The following CNTNAP2 variants were observed in gnomAD, a reference collection of about 807,000 sequenced individuals.
CNTNAP2 encodes the protein contactin associated protein 2.
A neutral mutation model predicts 155.2 loss-of-function variants in CNTNAP2; 98 were observed. That is an observed-to-expected ratio of 0.63 (90% CI 0.54 to 0.75). The LOEUF is 0.75. CNTNAP2 is among the 30% of genes least tolerant of loss of function. The pLI, the probability that CNTNAP2 is intolerant of heterozygous loss-of-function variation, is 0.00. For missense variants in CNTNAP2, 1,727 were observed against 1,688.1 expected (o/e 1.02, Z -0.40); for synonymous variants, 651 against 631.2 (o/e 1.03, Z -0.47).
rs71188974 is a variant in CNTNAP2 at position 148,351,744 on chromosome 7, C to CAAAAAAAAAAAAAAAAAAAAAAAAAA, written c.3476-31889_3476-31888insAAAAAAAAAAAAAAAAAAAAAAAAAA. On this transcript the variant is annotated intron_variant, in intron 21 of 23. Coordinates refer to ENST00000361727, the MANE Select transcript of CNTNAP2 (RefSeq NM_014141.6). ...GGCAACAGAGTGAGACTCTGTCTCACAAAAAAAAAAAAAAAATAGAAACCG... is the reference window on the plus strand; with the variant it reads ...GGCAACAGAGTGAGACTCTGTCTCACAAAAAAAAAAAAAAAAAAAAAAAAAAAAAAAAAAAAAAAAAATAGAAACCG... Among the ~76,000 whole-genome samples, 30 of 85,384 alleles carry CAAAAAAAAAAAAAAAAAAAAAAAAAA rather than the reference C, an allele frequency of 3.5e-4. 1 individual carries two copies. The highest frequency in any genetic ancestry group is 4.3e-4 in the Non-Finnish European group (21 of 48,396). 56.0% of individuals were successfully genotyped at this position (85,384 alleles called of 152,430 possible).
chr7:146,971,483 G>A (rs1797798078), intron 3 of CNTNAP2, among the ~76,000 whole-genome samples: 1 of 152,136 alleles, frequency 6.6e-6, no homozygotes, highest in Non-Finnish European at 1.5e-5. Flanking sequence ...GTCTATTTGG[G>A]CTCGTATAGC....
chr7:146,953,956 T>G (rs1307992408), intron 3 of CNTNAP2, among the ~76,000 whole-genome samples: 1 of 151,958 alleles, frequency 6.6e-6, no homozygotes, highest in Non-Finnish European at 1.5e-5. Flanking sequence ...CACACCTATA[T>G]CTTGTTTCTA....
At chr7:147,493,207 T>C (rs1327038789) in intron 11 of CNTNAP2, among the ~76,000 whole-genome samples, 1 of 152,198 alleles carries the variant, frequency 6.6e-6, no homozygotes, top group Non-Finnish European at 1.5e-5. Flanking sequence ...TTTCAATAAA[T>C]GCTCTTTGAA....
chr7:148,381,221 A>G (rs140823138), intron 21 of CNTNAP2, among the ~76,000 whole-genome samples: 12 of 152,352 alleles, frequency 7.9e-5, no homozygotes, highest in East Asian at 5.8e-4. Flanking sequence ...CAGCCTAAGT[A>G]TCAACAGCTC....
Position 146,977,052 on chromosome 7 carries a change from T to G in CNTNAP2, c.403-66855T>G, listed in dbSNP as rs112962254. On this transcript the variant is annotated intron_variant, in intron 3 of 23. Transcript: ENST00000361727. ...GGCAGAGAGAGTCTGTTTTCTGAGG[T>G]TTGCTCCTGAGGTCTAAAGAACCCC... Among the ~76,000 whole-genome samples, 303 of 152,058 alleles carry G rather than the reference T, an allele frequency of 2.0e-3. 1 individual carries two copies. Among genetic ancestry groups the G allele is most frequent in the African/African-American group, 6.7e-3 (278 of 41,466 alleles).
At chr7:146,314,251 T>G (rs1279425469) in intron 1 of CNTNAP2, among the ~76,000 whole-genome samples, 1 of 152,188 alleles carries the variant, frequency 6.6e-6, no homozygotes, top group Non-Finnish European at 1.5e-5. Flanking sequence ...CAGTCAGAGA[T>G]TCTAAGTGCC....
At chr7:146,308,334 G>T (rs914379466) in intron 1 of CNTNAP2, among the ~76,000 whole-genome samples, 6 of 152,188 alleles carry the variant, frequency 3.9e-5, no homozygotes, top group African/African-American at 1.2e-4. Context: ...AACAACAGGT[G>T]CTGGAGAGGA....
chr7:148,023,880 C>A lies in CNTNAP2; in HGVS notation c.2383+45891C>A, dbSNP rs559978610. Among the ~76,000 whole-genome samples the A allele has an allele frequency of 4.6e-5, 7 of 152,148 alleles. No individual in the cohort carries two copies. In the South Asian group the frequency reaches 1.0e-3, roughly 23 times the overall value. On this transcript the variant is annotated intron_variant, in intron 15 of 23. Transcript: ENST00000361727. The stretch of plus-strand genomic sequence containing the variant: ...TCTGGGATTTTATGAATTTTCCTCC[C>A]AAATACAAAACTCTCTAGATGCTGA...
At chr7:147,954,787 C>T (rs1800991793) in intron 14 of CNTNAP2, among the ~76,000 whole-genome samples, 1 of 152,120 alleles carries the variant, frequency 6.6e-6, no homozygotes, top group South Asian at 2.1e-4. Flanking sequence ...TATCCGTCCC[C>T]TATATCGAGA....
intron 1 of CNTNAP2, among the ~76,000 whole-genome samples, chr7:146,759,537 CA>C (rs551652082): frequency 1.3e-3 from 191 of 151,200 alleles, no homozygotes; most frequent in African/African-American, 4.4e-3. Flanking sequence ...ACTAAAAATA[CA>C]AAAAAAATTA....
intron 9 of CNTNAP2, among the ~76,000 whole-genome samples, chr7:147,326,835 C>G (rs1437467963): frequency 6.6e-6 from 1 of 152,130 alleles, no homozygotes; most frequent in Non-Finnish European, 1.5e-5. Context: ...TATACTTAGC[C>G]CATTTCACAT....
intron 10 of CNTNAP2, among the ~76,000 whole-genome samples, chr7:147,437,878 T>C (rs1357510570): frequency 6.6e-6 from 1 of 152,160 alleles, no homozygotes; most frequent in Non-Finnish European, 1.5e-5. Flanking sequence ...TCGTGTTTTA[T>C]ACTTTTCATT....
At chr7:148,078,050 C>T (rs577206004) in intron 15 of CNTNAP2, among the ~76,000 whole-genome samples, 2 of 151,698 alleles carry the variant, frequency 1.3e-5, no homozygotes, top group African/African-American at 4.8e-5. Context: ...ATTAATGTAC[C>T]CAAAAACATA....
intron 13 of CNTNAP2, among the ~76,000 whole-genome samples, chr7:147,861,878 T>TA (rs1799139164): frequency 6.6e-6 from 1 of 151,108 alleles, no homozygotes; most frequent in South Asian, 2.1e-4. Context: ...TACCTGGGCA[T>TA]GGTGGTGTAC....
intron 1 of CNTNAP2, among the ~76,000 whole-genome samples, chr7:146,684,639 C>CAAACAAAA (rs1800563060): frequency 1.6e-5 from 1 of 63,514 alleles, no homozygotes; most frequent in African/African-American, 6.0e-5. Flanking sequence ...AGATCCAGCG[C>CAAACAAAA]AAAAAAAAAA....
At chr7:146,968,534 C>G (rs1012059493) in intron 3 of CNTNAP2, among the ~76,000 whole-genome samples, 1 of 152,100 alleles carries the variant, frequency 6.6e-6, no homozygotes, top group Non-Finnish European at 1.5e-5. Context: ...CTGGATTAGT[C>G]TTGGGAGGGT....
At chr7:146,118,752 A>T (rs909144596) in intron 1 of CNTNAP2, among the ~76,000 whole-genome samples, 3 of 152,176 alleles carry the variant, frequency 2.0e-5, no homozygotes, top group Non-Finnish European at 4.4e-5. Context: ...TCAACTTTAT[A>T]GTTAGAATTT....
chr7:146,803,264 C>A (rs1802912151), intron 2 of CNTNAP2, among the ~76,000 whole-genome samples: 1 of 152,092 alleles, frequency 6.6e-6, no homozygotes, highest in Non-Finnish European at 1.5e-5. Context: ...ATAGAATACA[C>A]CAGCTGAGGG....
At chr7:146,641,723 A>G (rs1585020308) in intron 1 of CNTNAP2, among the ~76,000 whole-genome samples, 1 of 152,142 alleles carries the variant, frequency 6.6e-6, no homozygotes, top group Non-Finnish European at 1.5e-5. Flanking sequence ...GTTTCGGAGG[A>G]GAGAGAAAAA....
Sources: allele counts gnomAD v4.1 joint callset (sites outside exome capture counted in the v4.1 genomes callset), GRCh38; gene constraint gnomAD v4.1.1; transcripts MANE v1.5; gene names NCBI Gene and HGNC (gene_info 2026-07-23, HGNC 2026-07-21).